RNF150: variants seen among roughly 807,000 people sequenced by gnomAD.
The protein encoded by RNF150 is ring finger protein 150.
Under a neutral mutation model 39.3 loss-of-function variants are expected in RNF150, and 24 were observed. That is an observed-to-expected ratio of 0.61 (90% CI 0.44 to 0.86). The LOEUF is 0.86. Ranked by LOEUF, RNF150 falls within the 40% of genes least tolerant of loss-of-function variation. RNF150 has a pLI of 0.00. For synonymous variants in RNF150, 255 were observed against 227.3 expected, an observed-to-expected ratio of 1.12 and a Z score of -1.10; for missense variants, 502 against 587.8, an observed-to-expected ratio of 0.85 and a Z score of 1.51.
chr4:141,137,923 C>G (rs887002115), upstream of RNF150, among the ~76,000 whole-genome samples: 4 of 152,124 alleles, frequency 2.6e-5, no homozygotes, highest in African/African-American at 9.7e-5. Flanking sequence ...TTCCAGAGGG[C>G]TCTTTGGTGT....
At chr4:140,940,395 G>GTACACTTTTTC (rs1243225691) in intron 4 of RNF150, among the ~76,000 whole-genome samples, 68 of 151,722 alleles carry the variant, frequency 4.5e-4, no homozygotes, top group African/African-American at 1.5e-3. Flanking sequence ...GAAAAAGTGT[G>GTACACTTTTTC]TGTGTGTGTG....
At chr4:140,975,095 A>C (rs1560995476) in intron 1 of RNF150, among the ~76,000 whole-genome samples, 1 of 152,186 alleles carries the variant, frequency 6.6e-6, no homozygotes, top group South Asian at 2.1e-4. Context: ...GCCTCTACAA[A>C]AAATACGAAA....
intron 1 of RNF150, among the ~76,000 whole-genome samples, chr4:140,999,432 G>T (rs1043055978): frequency 3.9e-5 from 6 of 152,146 alleles, no homozygotes; most frequent in Admixed American, 2.0e-4. Context: ...TCAGTCAAAG[G>T]TTTGAAGTCT....
chr4:141,078,481 T>G (rs1737989721), intron 1 of RNF150, among the ~76,000 whole-genome samples: 1 of 152,032 alleles, frequency 6.6e-6, no homozygotes. Context: ...TGTTAGTTTT[T>G]TTAAAAAAGA....
At chr4:140,917,692 A>C (rs1453844844) in intron 5 of RNF150, among the ~76,000 whole-genome samples, 1 of 152,182 alleles carries the variant, frequency 6.6e-6, no homozygotes, top group South Asian at 2.1e-4. Flanking sequence ...AAGCGGACCT[A>C]ATAGACATCT....
At chr4:141,019,568 A>C (rs913027515) in intron 1 of RNF150, among the ~76,000 whole-genome samples, 1 of 152,110 alleles carries the variant, frequency 6.6e-6, no homozygotes, top group Non-Finnish European at 1.5e-5. Flanking sequence ...CGTTATTACC[A>C]TCACCTCTCC....
intron 1 of RNF150, among the ~76,000 whole-genome samples, chr4:141,001,945 T>C (rs994653854): frequency 5.9e-5 from 9 of 152,260 alleles, no homozygotes; most frequent in African/African-American, 2.2e-4. Context: ...ATTTTTTCTT[T>C]AAATTCACTC....
intron 1 of RNF150, among the ~76,000 whole-genome samples, chr4:141,202,537 A>G (rs1224859819): frequency 6.6e-6 from 1 of 152,156 alleles, no homozygotes; most frequent in Admixed American, 6.6e-5. Flanking sequence ...CCAAGTTAAC[A>G]TAGAATGATT....
Position 140,863,567 on chromosome 4 carries a change from T to A in RNF150, c.*4694A>T, listed in dbSNP as rs1009646623. On this transcript the variant is annotated 3_prime_UTR_variant, in exon 7 of 7. Transcript: ENST00000515673. ...CCAGTTTTTTGTGTTCTGAAGGTTA[T>A]TTCAGAGTTTCTTGCAAGAGAGAAA... is the stretch of plus-strand genomic sequence containing the variant. The A allele has an allele frequency of 2.6e-5, 4 of 152,194 alleles. No homozygotes were observed. The highest frequency in any genetic ancestry group is 2.0e-4 in the Admixed American group (3 of 15,278). The allele number at this position is 152,194 out of a possible 1,614,324, so 9.4% of individuals were successfully genotyped here.
At chr4:141,065,290 T>C (rs536198436) in intron 1 of RNF150, among the ~76,000 whole-genome samples, 1 of 152,174 alleles carries the variant, frequency 6.6e-6, no homozygotes, top group Non-Finnish European at 1.5e-5. Flanking sequence ...GCCACAAACA[T>C]GCTATCTGTG....
chr4:140,987,537 GGT>G (rs1734055098), intron 1 of RNF150, among the ~76,000 whole-genome samples: 1 of 152,026 alleles, frequency 6.6e-6, no homozygotes, highest in Non-Finnish European at 1.5e-5. Flanking sequence ...ATCAATAACT[GGT>G]GCTGGGATAG....
intron 4 of RNF150, among the ~76,000 whole-genome samples, chr4:140,934,247 T>C (rs1044078223): frequency 3.9e-5 from 6 of 152,138 alleles, no homozygotes; most frequent in African/African-American, 1.4e-4. Flanking sequence ...TGATCTCAGG[T>C]GATCCACCAC....
At chr4:141,188,106 A>T (rs953805125) in intron 1 of RNF150, among the ~76,000 whole-genome samples, 5 of 152,142 alleles carry the variant, frequency 3.3e-5, no homozygotes, top group Non-Finnish European at 7.3e-5. Context: ...TTGCTTATGA[A>T]GTTTAGTTTG....
intron 1 of RNF150, among the ~76,000 whole-genome samples, chr4:141,153,651 G>A (rs117576391): frequency 1.3e-5 from 2 of 152,196 alleles, no homozygotes; most frequent in Non-Finnish European, 2.9e-5. Flanking sequence ...CCTATCCAAA[G>A]AGAAAGAGGA....
At chr4:141,150,814 C>G (rs1437752417) in intron 1 of RNF150, among the ~76,000 whole-genome samples, 1 of 152,174 alleles carries the variant, frequency 6.6e-6, no homozygotes, top group Non-Finnish European at 1.5e-5. Flanking sequence ...ACTCCAGCTC[C>G]TGGATTAGTT....
intron 4 of RNF150, among the ~76,000 whole-genome samples, chr4:140,938,074 G>A (rs1197367763): frequency 6.6e-6 from 1 of 152,012 alleles, no homozygotes; most frequent in Non-Finnish European, 1.5e-5. Context: ...ACTCATAATC[G>A]GAATCCTCAT....
At chr4:140,873,728 G>A (rs908999268) in intron 6 of RNF150, among the ~76,000 whole-genome samples, 1 of 152,154 alleles carries the variant, frequency 6.6e-6, no homozygotes, top group Non-Finnish European at 1.5e-5. Context: ...CCCAAGCTGA[G>A]TGCAGTGGCA....
intron 1 of RNF150, among the ~76,000 whole-genome samples, chr4:141,049,817 TA>T (rs1182944656): frequency 6.6e-6 from 1 of 152,146 alleles, no homozygotes; most frequent in East Asian, 1.9e-4. Flanking sequence ...AGCCCCCTAT[TA>T]GGGGAAAGCC....
intron 1 of RNF150, among the ~76,000 whole-genome samples, chr4:141,110,342 T>C (rs916881956): frequency 3.3e-5 from 5 of 152,152 alleles, no homozygotes; most frequent in African/African-American, 1.2e-4. Flanking sequence ...GCTCTTCTCT[T>C]TGTTTTGTAA....
Sources: gnomAD v4.1 joint callset for allele counts (sites outside exome capture counted in the v4.1 genomes callset) on GRCh38, gnomAD v4.1.1 for gene constraint, MANE v1.5 for transcripts, NCBI Gene and HGNC (gene_info 2026-07-23, HGNC 2026-07-21) for gene names.